The following GRHL1 variants were observed in gnomAD, a reference collection of about 807,000 sequenced individuals.
GRHL1 encodes the protein grainyhead like transcription factor 1, also known as grainyhead-like protein 1 homolog.
GRHL1 carries 38 observed loss-of-function variants against 75.7 expected under a neutral mutation model. That is an observed-to-expected ratio of 0.50 (90% CI 0.39 to 0.66). The LOEUF is 0.66. GRHL1 is among the 30% of genes least tolerant of loss of function. The probability of loss-of-function intolerance (pLI) is 0.00; values close to 1 mark genes in which losing one functional copy is unlikely to be tolerated. For synonymous variants in GRHL1, 266 were observed against 279.4 expected, an observed-to-expected ratio of 0.95 and a Z score of 0.48; for missense variants, 589 against 767.5, an observed-to-expected ratio of 0.77 and a Z score of 2.75.
At chr2:9,970,150 A>G (rs1316836758) in intron 8 of GRHL1, among the ~76,000 whole-genome samples, 1 of 152,230 alleles carries the variant, frequency 6.6e-6, no homozygotes, top group Non-Finnish European at 1.5e-5. Flanking sequence ...GCCAGTAAGC[A>G]CACTTTTAAA....
Position 9,996,389 on chromosome 2 carries a change from C to T in GRHL1, c.1665C>T (p.Gly555=), listed in dbSNP as rs764912359. 3.7e-6 allele frequency: 6 copies of T among 1,603,914 alleles called. No homozygotes were observed. The highest frequency in any genetic ancestry group is 5.1e-6 in the Non-Finnish European group (6 of 1,170,694). Reference sequence around the variant, plus strand: ...TGCTCAAAACCCCATCTTTGAAGGGCTTGATGGAAGCTGTAAGTAGGATCA... The same window carrying T: ...TGCTCAAAACCCCATCTTTGAAGGGTTTGATGGAAGCTGTAAGTAGGATCA... ...ALMLKTPSLK[G]LMEAISDKYD... Residue 555 remains glycine (G), a synonymous_variant, in exon 14 of 16, where the codon GGC becomes GGT. Transcript: ENST00000324907.
At chr2:9,986,433 G>A in intron 9 of GRHL1, 151 bp downstream of exon 9, 1 of 404,408 alleles carries the variant, frequency 2.5e-6, no homozygotes, top group Middle Eastern at 7.0e-4. Context: ...TTTATTTATT[G>A]TTGAGACAGA....
In GRHL1 at chr2:9,998,968, T is replaced by C; in HGVS notation, c.1681T>C (p.Ser561Pro). The C allele has an allele frequency of 6.4e-7, 1 of 1,556,262 alleles. No homozygotes were observed. The highest frequency in any genetic ancestry group is 1.2e-5 in the South Asian group (1 of 86,292). ...PSLKGLMEAISDKYDVPHDKI... is the reference protein window; with the variant it reads ...PSLKGLMEAIPDKYDVPHDKI... ...TTATTTTTCTTTCCTCTTTTAGATC[T>C]CAGACAAATACGATGTTCCCCATGA... Residue 561 changes from serine (S) to proline (P), a missense_variant, in exon 15 of 16, where the codon TCA (serine) becomes CCA (proline). This residue lies in a region of GRHL1 where 192 missense variants were observed against 226.6 expected (regional missense o/e 0.85). Coordinates refer to ENST00000324907, the MANE Select transcript of GRHL1 (RefSeq NM_198182.3).
At chr2:9,979,974 T>C (rs1668122666) in intron 8 of GRHL1, among the ~76,000 whole-genome samples, 2 of 152,216 alleles carry the variant, frequency 1.3e-5, no homozygotes, top group Non-Finnish European at 2.9e-5. Context: ...TCCTGACTAC[T>C]CTCTTTAGAC....
chr2:9,977,151 T>C (rs980460278), intron 8 of GRHL1, among the ~76,000 whole-genome samples: 1 of 152,248 alleles, frequency 6.6e-6, no homozygotes, highest in African/African-American at 2.4e-5. Flanking sequence ...TTATTGTTTG[T>C]GTTTATTTGG....
chr2:9,996,843 T>C (rs1483921817), intron 14 of GRHL1, among the ~76,000 whole-genome samples: 2 of 152,182 alleles, frequency 1.3e-5, no homozygotes, highest in Non-Finnish European at 2.9e-5. Context: ...GCAGAGAAAG[T>C]AGACGTGTAA....
chr2:9,981,349 C>T (rs562333035), intron 8 of GRHL1, among the ~76,000 whole-genome samples: 2 of 152,272 alleles, frequency 1.3e-5, no homozygotes, highest in Admixed American at 6.5e-5. Flanking sequence ...GCCAGGAAGT[C>T]GCTTATGCGG....
At chr2:9,993,272 T>C (rs140638454) in intron 12 of GRHL1, 28 bp downstream of exon 12, 2 of 1,578,772 alleles carry the variant, frequency 1.3e-6, no homozygotes, top group African/African-American at 2.7e-5. Flanking sequence ...TTTTGTTTTG[T>C]TTTAATAATG....
chr2:10,001,365 A>C lies in GRHL1; in HGVS notation c.*658A>C, dbSNP rs752112144. 4 of 152,680 alleles carry C rather than the reference A, an allele frequency of 2.6e-5. No individual in the cohort carries two copies. Among genetic ancestry groups the C allele is most frequent in the Non-Finnish European group, 5.9e-5 (4 of 68,050 alleles). 9.5% of individuals were successfully genotyped at this position (152,680 alleles called of 1,614,324 possible). ...TTAAGATAAAGCTGCATTGTATATA[A>C]GTGCAATATATTTTTGAAGGTCTGT... On this transcript the variant is annotated 3_prime_UTR_variant, in exon 16 of 16. Transcript: ENST00000324907.
rs558076457 is a variant in GRHL1, at chr2:9,954,961, C to T, written c.67C>T (p.Arg23Trp). The change falls in exon 2 of 16, where the codon CGG becomes TGG. Residue 23 changes from arginine to tryptophan, a missense_variant. Around this residue, in one of 5 missense-constraint regions of GRHL1, gnomAD observed 362 missense variants for 461.8 expected, o/e 0.78. Coordinates refer to ENST00000324907, the MANE Select transcript of GRHL1 (RefSeq NM_198182.3). ...VLQNEALYPQ[R>W]RSYTSEDEAW... ...TCAGAATGAAGCACTTTATCCACAG[C>T]GGCGGTCCTACACTAGTGAGGATGA... 8 of 1,613,294 alleles carry T rather than the reference C, an allele frequency of 5.0e-6. No homozygotes were observed. The highest frequency in any genetic ancestry group is 3.3e-5 in the South Asian group (3 of 91,064).
At position 9,980,256 on chromosome 2, in the gene GRHL1, G is replaced by A. The variant is rs182091169; in HGVS notation, c.1111-5868G>A. ...TGAACAGCGCTTATGTGGCTGCCGC[G>A]GTGCTTCCTGGAAGAATCATTATAA... On this transcript the variant is annotated intron_variant, in intron 8 of 15. Coordinates refer to ENST00000324907, the MANE Select transcript of GRHL1 (RefSeq NM_198182.3). 3.8e-4 allele frequency among the ~76,000 whole-genome samples: 58 copies of A among 151,854 alleles called. 1 individual carries two copies. The East Asian group carries it at 0.01, about 27-fold the overall frequency.
chr2:9,954,807 A>G, intron 1 of GRHL1, 108 bp from the exon 2 acceptor site: 1 of 939,572 alleles, frequency 1.1e-6, no homozygotes, highest in Middle Eastern at 3.1e-4. Context: ...TCCTAGGGTC[A>G]TTGATGAAAC....
intron 1 of GRHL1, 83 bp from the exon 2 acceptor site, chr2:9,954,832 T>C: frequency 2.7e-6 from 3 of 1,127,156 alleles, no homozygotes; most frequent in Non-Finnish European, 4.0e-6. Flanking sequence ...GGCTATTTTA[T>C]AGGAATGTCA....
Position 10,000,579 on chromosome 2 carries a change from C to G in GRHL1, c.1743-14C>G, listed in dbSNP as rs536504350. On this transcript the variant is annotated splice_polypyrimidine_tract_variant and intron_variant, in intron 15 of 15. Transcript: ENST00000324907. ...TGGCAGTGAAGTTGGTTGGTCTTGT[C>G]CCCCCCCATCCAGGATCCTGGTGAA... 6.6e-7 allele frequency: 1 copy of G among 1,510,896 alleles called. No homozygotes were observed. The highest frequency in any genetic ancestry group is 9.2e-7 in the Non-Finnish European group (1 of 1,088,888). 93.6% of individuals were successfully genotyped at this position (1,510,896 alleles called of 1,614,324 possible).
intron 8 of GRHL1, among the ~76,000 whole-genome samples, chr2:9,980,458 AG>A (rs1668150708): frequency 6.6e-6 from 1 of 152,150 alleles, no homozygotes; most frequent in Admixed American, 6.5e-5. Context: ...AAACATTCTA[AG>A]TGCATAAATT....
At position 9,998,997 on chromosome 2, in the gene GRHL1, G is replaced by A. The variant is rs200616128; in HGVS notation, c.1710G>A (p.Lys570=). The A allele has an allele frequency of 1.0e-5, 16 of 1,581,648 alleles. No homozygotes were observed. The highest frequency in any genetic ancestry group is 1.4e-5 in the African/African-American group (1 of 73,112). The change falls in exon 15 of 16, where the codon AAG becomes AAA. Residue 570 remains lysine (K), a synonymous_variant. Transcript: ENST00000324907. ...ACAAATACGATGTTCCCCATGACAA[G>A]ATTGGGAAAATATTCAAGAAGTGTA... ...ISDKYDVPHD[K]IGKIFKKCKK... is the part of the protein sequence containing the mutation.
In GRHL1 at chr2:10,001,240, C is replaced by T. The variant is rs1669257301; in HGVS notation, c.*533C>T. 1 of 152,650 alleles carries T rather than the reference C, an allele frequency of 6.6e-6. No individual in the cohort carries two copies. Among genetic ancestry groups the T allele is most frequent in the Non-Finnish European group, 1.5e-5 (1 of 68,052 alleles). 9.5% of individuals were successfully genotyped at this position (152,650 alleles called of 1,614,324 possible). On this transcript the variant is annotated 3_prime_UTR_variant, in exon 16 of 16. Transcript: ENST00000324907. ...CCTCTCACTCTCCACCAGATGTTTA[C>T]TAAACAGGGCATGTTACTGAAATCT...
rs755192552 is a variant in GRHL1 at position 9,990,540 on chromosome 2, G to C, written c.1270-156G>C. Among the ~76,000 whole-genome samples the C allele has an allele frequency of 6.6e-6, 1 of 152,170 alleles. No homozygotes were observed. The highest frequency in any genetic ancestry group is 1.5e-5 in the Non-Finnish European group (1 of 68,020). On this transcript the variant is annotated intron_variant, in intron 9 of 15. Coordinates refer to ENST00000324907, the MANE Select transcript of GRHL1 (RefSeq NM_198182.3). The surrounding 1 kb of genome is among the most constrained non-coding windows in gnomAD (Gnocchi z 4.2). Reference sequence around the variant, plus strand: ...AATTTTAAGACTAATCTTTTTAGAAGAAACTACTATGATAAGCCTCATGAA... The same window carrying C: ...AATTTTAAGACTAATCTTTTTAGAACAAACTACTATGATAAGCCTCATGAA...
At chr2:9,975,179 A>G (rs867539571) in intron 8 of GRHL1, among the ~76,000 whole-genome samples, 3 of 152,232 alleles carry the variant, frequency 2.0e-5, no homozygotes, top group Non-Finnish European at 4.4e-5. Context: ...TGCAGCCCTA[A>G]GTCACAGAGG....
Sources: allele counts gnomAD v4.1 joint callset (sites outside exome capture counted in the v4.1 genomes callset), GRCh38; gene constraint gnomAD v4.1.1; regional missense constraint gnomAD v4.1.1; non-coding constraint Gnocchi (gnomAD v3.1); transcripts MANE v1.5; gene names NCBI Gene and HGNC (gene_info 2026-07-23, HGNC 2026-07-21).